Variants in MYOF observed in about 807,000 individuals in gnomAD.
MYOF encodes fer-1-like 3, myoferlin.
Under a neutral mutation model 284.2 loss-of-function variants are expected in MYOF, and 244 were observed. That is an observed-to-expected ratio of 0.86 (90% CI 0.77 to 0.95). The LOEUF (loss-of-function observed/expected upper bound fraction) is 0.95. MYOF is among the 40% of genes least tolerant of loss of function. The pLI, the probability that MYOF is intolerant of heterozygous loss-of-function variation, is 0.00. For synonymous variants in MYOF, 904 were observed against 919.7 expected, an observed-to-expected ratio of 0.98 and a Z score of 0.31; for missense variants, 2,496 against 2,560.6, an observed-to-expected ratio of 0.97 and a Z score of 0.54.
chr10:93,439,383 G>GTGCCTGCCTGCC (rs10609992), intron 3 of MYOF, among the ~76,000 whole-genome samples: 1 of 152,130 alleles, frequency 6.6e-6, no homozygotes, highest in Non-Finnish European at 1.5e-5. Flanking sequence ...GACCAATTCT[G>GTGCCTGCCTGCC]TGCCTGCCTG....
intron 1 of MYOF, chr10:93,478,278 C>A: frequency 3.9e-6 from 1 of 259,078 alleles, no homozygotes; most frequent in Non-Finnish European, 7.7e-6. Flanking sequence ...GATTCAGCTT[C>A]ACAGCCTGGC....
At chr10:93,444,565 A>G (rs186852332) in intron 3 of MYOF, among the ~76,000 whole-genome samples, 25 of 152,310 alleles carry the variant, frequency 1.6e-4, no homozygotes, top group Non-Finnish European at 2.6e-4. Flanking sequence ...AGAATAAAAC[A>G]GAGTAATAAG....
intron 3 of MYOF, among the ~76,000 whole-genome samples, chr10:93,446,757 G>A (rs976049222): frequency 1.5e-4 from 22 of 147,838 alleles, no homozygotes; most frequent in Non-Finnish European, 2.4e-4. Context: ...TTCTCACTCC[G>A]TCACCAGGGC....
intron 22 of MYOF, among the ~76,000 whole-genome samples, chr10:93,376,330 G>C (rs544093124): frequency 5.5e-4 from 83 of 152,174 alleles, no homozygotes; most frequent in Non-Finnish European, 9.6e-4. Context: ...TTGGGGCCTT[G>C]AACAAATAGA....
intron 24 of MYOF, among the ~76,000 whole-genome samples, chr10:93,370,424 T>C (rs1052649454): frequency 1.4e-5 from 2 of 146,568 alleles, no homozygotes; most frequent in Non-Finnish European, 3.0e-5. Flanking sequence ...CGATCCTCCC[T>C]CCCCAGCTGC....
At chr10:93,461,450 A>C (rs187375371) in intron 1 of MYOF, among the ~76,000 whole-genome samples, 1 of 149,934 alleles carries the variant, frequency 6.7e-6, no homozygotes, top group Admixed American at 6.6e-5. Context: ...TTCAGTTGCT[A>C]TCAGAGGGGT....
chr10:93,434,395 C>T (rs1403735892), intron 3 of MYOF, among the ~76,000 whole-genome samples: 1 of 147,884 alleles, frequency 6.8e-6, no homozygotes, highest in Non-Finnish European at 1.5e-5. Context: ...CAGGCCACTG[C>T]ACTCCAGCCT....
At chr10:93,452,812 A>G (rs1230175090) in intron 2 of MYOF, among the ~76,000 whole-genome samples, 3 of 152,184 alleles carry the variant, frequency 2.0e-5, no homozygotes, top group Non-Finnish European at 2.9e-5. Flanking sequence ...TCATACTACT[A>G]TCAAACAAAG....
chr10:93,479,773 G>A (rs907191496), intron 1 of MYOF, among the ~76,000 whole-genome samples: 1 of 152,246 alleles, frequency 6.6e-6, no homozygotes, highest in South Asian at 2.1e-4. Context: ...CAGGTTGCTT[G>A]TTAGCTAAAT....
In MYOF at chr10:93,463,285, G is replaced by T. The variant is rs193125725; in HGVS notation, c.89-6348C>A. ...TATTGAAAAGGCCTGGCCCAGTGCG[G>T]TGCTTATACCTGTAATCCCAACATT... On this transcript the variant is annotated intron_variant, in intron 1 of 53. Transcript: ENST00000359263. Among the ~76,000 whole-genome samples the T allele has an allele frequency of 7.2e-5, 11 of 152,134 alleles. No homozygotes were observed. The East Asian group carries it at 1.2e-3, about 16-fold the overall frequency.
chr10:93,452,594 C>T (rs3121305), intron 2 of MYOF, among the ~76,000 whole-genome samples: 110,420 of 142,022 alleles, frequency 0.78, 43,131 homozygotes, highest in African/African-American at 0.81. Context: ...TTAGGAGATA[C>T]ACCTAATGTA....
intron 1 of MYOF, among the ~76,000 whole-genome samples, chr10:93,465,533 C>CTTTTCT (rs1554872999): frequency 1.9e-5 from 1 of 53,224 alleles, no homozygotes; most frequent in East Asian, 3.5e-4. Context: ...TCTTTTTTTT[C>CTTTTCT]TTTTCTTTTT....
At chr10:93,428,756 G>A (rs1848708382) in intron 4 of MYOF, among the ~76,000 whole-genome samples, 1 of 152,164 alleles carries the variant, frequency 6.6e-6, no homozygotes, top group Non-Finnish European at 1.5e-5. Context: ...AGCACACAAA[G>A]AATCATAAGA....
rs1224247231 is a variant in MYOF, at chr10:93,339,603, G to A, written c.4338+550C>T. ...TCGTGCCTCAGCCTCCCGAAAATCT[G>A]GGATTACAAGCACTCACCACCACGC... On this transcript the variant is annotated intron_variant, in intron 39 of 53. Transcript: ENST00000359263. 1.4e-5 allele frequency among the ~76,000 whole-genome samples: 2 copies of A among 143,030 alleles called. 1 individual carries two copies. The highest frequency in any genetic ancestry group is 1.4e-4 in the Admixed American group (2 of 13,904). 93.8% of individuals were successfully genotyped at this position (143,030 alleles called of 152,430 possible).
At position 93,482,239 on chromosome 10, in the gene MYOF, ACTAGGGCGCTGGAG is replaced by A. The variant is rs1230665036; in HGVS notation, c.-59_-46del. ...GCAAGTTTCAGCAAACGAAGTGGAG[ACTAGGGCGCTGGAG>A]CTCCGGGTCGCACCGCCCTGGGAGA... On this transcript the variant is annotated 5_prime_UTR_variant, in exon 1 of 54. Coordinates refer to ENST00000359263, the MANE Select transcript of MYOF (RefSeq NM_013451.4). The A allele has an allele frequency of 1.3e-6, 2 of 1,553,398 alleles. No homozygotes were observed. The highest frequency in any genetic ancestry group is 1.1e-5 in the South Asian group (1 of 88,314).
intron 4 of MYOF, among the ~76,000 whole-genome samples, chr10:93,426,660 G>A (rs1312997661): frequency 6.6e-6 from 1 of 152,124 alleles, no homozygotes; most frequent in Non-Finnish European, 1.5e-5. Flanking sequence ...AGGCCGAAGC[G>A]GGTGGATCAC....
In MYOF at chr10:93,311,471, AATT is replaced by A. The variant is rs1842386863; in HGVS notation, c.5890-831_5890-829del. Among the ~76,000 whole-genome samples the A allele has an allele frequency of 2.0e-5, 3 of 151,204 alleles. No homozygotes were observed. The East Asian group carries it at 5.8e-4, about 29-fold the overall frequency. On this transcript the variant is annotated intron_variant, in intron 51 of 53. Coordinates refer to ENST00000359263, the MANE Select transcript of MYOF (RefSeq NM_013451.4). ...CTAAAAATACAAAAAAAAAAAAAAA[AATT>A]AGCCAGCATGGTGGCGTGCGCCTGT...
chr10:93,436,669 A>C (rs1033859481), intron 3 of MYOF, among the ~76,000 whole-genome samples: 2 of 152,080 alleles, frequency 1.3e-5, no homozygotes, highest in African/African-American at 4.8e-5. Flanking sequence ...CTCCCAGAGC[A>C]CTCCTGGCTG....
chr10:93,372,815 T>C (rs1564659084), intron 24 of MYOF, 115 bp downstream of exon 24: 4 of 1,277,292 alleles, frequency 3.1e-6, no homozygotes, highest in Middle Eastern at 1.9e-4. Flanking sequence ...TGGGCTAGAA[T>C]TGATCCCAAT....
Sources: allele counts gnomAD v4.1 joint callset (sites outside exome capture counted in the v4.1 genomes callset), GRCh38; gene constraint gnomAD v4.1.1; transcripts MANE v1.5; gene names NCBI Gene and HGNC (gene_info 2026-07-23, HGNC 2026-07-21).